Variants in RAB11FIP3 observed in about 807,000 individuals in gnomAD.
RAB11FIP3 encodes rab11 family-interacting protein 3.
RAB11FIP3 carries 17 observed loss-of-function variants against 77.8 expected under a neutral mutation model. The observed-to-expected ratio is 0.22, with a 90% CI of 0.15 to 0.33. The LOEUF (loss-of-function observed/expected upper bound fraction) is 0.33. Ranked by LOEUF, RAB11FIP3 falls within the 10% of genes least tolerant of loss-of-function variation. The pLI is 1.00. For synonymous variants in RAB11FIP3, 437 were observed against 448.2 expected (o/e 0.98, Z 0.31); for missense variants, 1,005 against 1,011.2 (o/e 0.99, Z 0.08).
chr16:510,295 C>T (rs1202349805), intron 8 of RAB11FIP3, among the ~76,000 whole-genome samples: 1 of 152,254 alleles, frequency 6.6e-6, no homozygotes, highest in African/African-American at 2.4e-5. Flanking sequence ...TGTGTAGTGG[C>T]TGCAGGTGGA....
intron 5 of RAB11FIP3, among the ~76,000 whole-genome samples, chr16:490,157 T>G (rs1399889381): frequency 6.6e-6 from 1 of 152,248 alleles, no homozygotes; most frequent in Non-Finnish European, 1.5e-5. Flanking sequence ...ACATTGTATG[T>G]TTCACTTTTC....
At chr16:431,818 G>T (rs1177271325) in intron 1 of RAB11FIP3, among the ~76,000 whole-genome samples, 1 of 151,102 alleles carries the variant, frequency 6.6e-6, no homozygotes, top group South Asian at 2.1e-4. Context: ...GTGCAGTGGC[G>T]TGATCTTGGC....
intron 12 of RAB11FIP3, 80 bp downstream of exon 12, chr16:520,357 G>A (rs2032627039): frequency 3.8e-6 from 6 of 1,579,972 alleles, no homozygotes; most frequent in Non-Finnish European, 5.2e-6. Context: ...GGCCGTGGAG[G>A]GTCAGCATCT....
intron 4 of RAB11FIP3, among the ~76,000 whole-genome samples, chr16:486,597 C>T (rs1195694809): frequency 3.3e-5 from 5 of 152,196 alleles, no homozygotes; most frequent in Non-Finnish European, 5.9e-5. Flanking sequence ...TTCTGTGGAC[C>T]GTGGAAAGCA....
intron 3 of RAB11FIP3, among the ~76,000 whole-genome samples, chr16:475,584 A>C (rs985786210): frequency 6.6e-6 from 1 of 152,128 alleles, no homozygotes; most frequent in African/African-American, 2.4e-5. Context: ...AACTGCAGAA[A>C]CCAACCCGCA....
chr16:503,290 G>A (rs994759133), intron 7 of RAB11FIP3, among the ~76,000 whole-genome samples, 193 bp downstream of exon 7: 9 of 152,218 alleles, frequency 5.9e-5, no homozygotes, highest in African/African-American at 1.9e-4. Context: ...TCGTGGCCAT[G>A]TGAGAAAAAG....
chr16:517,289 C>T (rs1198450234), intron 9 of RAB11FIP3, among the ~76,000 whole-genome samples: 3 of 152,156 alleles, frequency 2.0e-5, no homozygotes, highest in Non-Finnish European at 4.4e-5. Context: ...GCAGTGTGGG[C>T]TGGGCACGGT....
intron 2 of RAB11FIP3, among the ~76,000 whole-genome samples, chr16:463,436 T>G (rs1290507686): frequency 7.0e-6 from 1 of 142,176 alleles, no homozygotes; most frequent in Non-Finnish European, 1.5e-5. Flanking sequence ...CCCGGTTTTT[T>G]TTTTTTTTTT....
intron 1 of RAB11FIP3, among the ~76,000 whole-genome samples, chr16:428,448 A>G (rs1193379491): frequency 6.6e-6 from 1 of 152,172 alleles, no homozygotes; most frequent in East Asian, 1.9e-4. Context: ...TTGCTTCAGT[A>G]CAGCAAAGAA....
chr16:497,106 G>C (rs2031203621), intron 6 of RAB11FIP3: 4 of 554,014 alleles, frequency 7.2e-6, no homozygotes, highest in South Asian at 5.8e-5. Context: ...TGGGCCTCTT[G>C]TGTGTTCACT....
rs2032661551 is a variant in RAB11FIP3 at position 521,000 on chromosome 16, C to CT, written c.*162dup. 1 of 649,770 alleles carries CT rather than the reference C, an allele frequency of 1.5e-6. No individual in the cohort carries two copies. Among genetic ancestry groups the CT allele is most frequent in the African/African-American group, 1.8e-5 (1 of 55,420 alleles). 40.3% of individuals were successfully genotyped at this position (649,770 alleles called of 1,614,324 possible). ...GAGCTGGGGCCGCCAAAGACCGGGGCTGCCAAAGGGGCAGAGGGTGGTGGA... is the reference window on the plus strand; with the variant it reads ...GAGCTGGGGCCGCCAAAGACCGGGGCTTGCCAAAGGGGCAGAGGGTGGTGGA... On this transcript the variant is annotated 3_prime_UTR_variant, in exon 14 of 14. Coordinates refer to ENST00000262305, the MANE Select transcript of RAB11FIP3 (RefSeq NM_014700.4).
At chr16:467,828 A>T (rs1195213594) in intron 2 of RAB11FIP3, among the ~76,000 whole-genome samples, 11 of 48,190 alleles carry the variant, frequency 2.3e-4, no homozygotes, top group East Asian at 6.6e-4. Flanking sequence ...GAGGAGGTGC[A>T]GGGGCCTCAG....
chr16:497,437 G>C, intron 6 of RAB11FIP3: 1 of 1,240,976 alleles, frequency 8.1e-7, no homozygotes, highest in Non-Finnish European at 1.0e-6. Flanking sequence ...GGTGGCCTCT[G>C]CTGCCGTCAG....
intron 9 of RAB11FIP3, among the ~76,000 whole-genome samples, chr16:515,217 A>T (rs1211570176): frequency 6.6e-6 from 1 of 152,244 alleles, no homozygotes; most frequent in Admixed American, 6.5e-5. Flanking sequence ...GAAATTCAAT[A>T]GAATTAAAAC....
At chr16:495,194 G>C (rs1313443763) in intron 5 of RAB11FIP3, among the ~76,000 whole-genome samples, 1 of 152,234 alleles carries the variant, frequency 6.6e-6, no homozygotes, top group Non-Finnish European at 1.5e-5. Context: ...TGGGAGTAAT[G>C]AGGCACTGGT....
intron 5 of RAB11FIP3, among the ~76,000 whole-genome samples, chr16:489,615 GGTT>G (rs2029990452): frequency 6.6e-6 from 1 of 152,188 alleles, no homozygotes; most frequent in African/African-American, 2.4e-5. Context: ...TGGCCGATGG[GGTT>G]GTTACTTCAA....
intron 1 of RAB11FIP3, among the ~76,000 whole-genome samples, chr16:459,450 T>G (rs1187008901): frequency 1.3e-5 from 2 of 150,678 alleles, no homozygotes; most frequent in Non-Finnish European, 3.0e-5. Flanking sequence ...TTTTTTTTTT[T>G]TTAGCAGACA....
chr16:492,540 A>AGGGCCCTTCCCGG, intron 5 of RAB11FIP3, among the ~76,000 whole-genome samples: 5 of 137,796 alleles, frequency 3.6e-5, no homozygotes, highest in Admixed American at 1.4e-4. Context: ...GAGGCCGTCC[A>AGGGCCCTTCCCGG]GAATCTTGGA....
intron 1 of RAB11FIP3, among the ~76,000 whole-genome samples, chr16:454,747 A>G (rs1489024643): frequency 6.6e-6 from 1 of 152,112 alleles, no homozygotes. Context: ...ATTCAAGCGT[A>G]TAAGAACAGG....
Sources: allele counts gnomAD v4.1 joint callset (sites outside exome capture counted in the v4.1 genomes callset), GRCh38; gene constraint gnomAD v4.1.1; transcripts MANE v1.5; gene names NCBI Gene and HGNC (gene_info 2026-07-23, HGNC 2026-07-21).